Variants in APBB1IP observed in about 807,000 individuals in gnomAD.
APBB1IP encodes the protein amyloid beta A4 precursor protein-binding family B member 1-interacting protein.
A neutral mutation model predicts 64.9 loss-of-function variants in APBB1IP; 27 were observed. The observed-to-expected ratio is 0.42, with a 90% CI of 0.31 to 0.57. APBB1IP has a LOEUF of 0.57. Ranked by LOEUF, APBB1IP falls within the 20% of genes least tolerant of loss-of-function variation. The probability of loss-of-function intolerance (pLI) is 0.20; values close to 1 mark genes in which losing one functional copy is unlikely to be tolerated. For missense variants in APBB1IP, 812 were observed against 845.5 expected, an observed-to-expected ratio of 0.96 and a Z score of 0.49; for synonymous variants, 392 against 331.0, an observed-to-expected ratio of 1.18 and a Z score of -2.00.
chr10:26,486,619 G>C (rs573761432), intron 2 of APBB1IP, among the ~76,000 whole-genome samples: 2 of 152,066 alleles, frequency 1.3e-5, no homozygotes, highest in Non-Finnish European at 2.9e-5. Context: ...CCTCATCCAG[G>C]TCCAAAATTC....
intron 2 of APBB1IP, among the ~76,000 whole-genome samples, chr10:26,461,894 A>G (rs1589193269): frequency 6.6e-6 from 1 of 152,186 alleles, no homozygotes; most frequent in South Asian, 2.1e-4. Context: ...ATATATAGGA[A>G]CACTACTGAT....
intron 3 of APBB1IP, among the ~76,000 whole-genome samples, chr10:26,495,405 G>A (rs1016553820): frequency 2.0e-5 from 3 of 151,354 alleles, no homozygotes; most frequent in African/African-American, 7.3e-5. Context: ...GCCAGTGGGG[G>A]AAGTGTTCTG....
At position 26,525,682 on chromosome 10, in the gene APBB1IP, C is replaced by T. The variant is rs144608087; in HGVS notation, c.814-7757C>T. Among the ~76,000 whole-genome samples the T allele has an allele frequency of 6.0e-3, 919 of 152,012 alleles. 8 individuals carry two copies. The highest frequency in any genetic ancestry group is 0.021 in the African/African-American group (871 of 41,448). ...CCATTGCTAGGTTTATGGCTGAGGT[C>T]GCTATTGCAAAAGACAGATTACCAA... On this transcript the variant is annotated intron_variant, in intron 8 of 14. Transcript: ENST00000376236.
intron 2 of APBB1IP, among the ~76,000 whole-genome samples, chr10:26,459,587 T>C (rs1260388810): frequency 1.3e-5 from 2 of 152,204 alleles, no homozygotes; most frequent in African/African-American, 2.4e-5. Flanking sequence ...CTCCACATCC[T>C]CTCCAGCACC....
chr10:26,558,642 G>A (rs1172103983), intron 11 of APBB1IP, among the ~76,000 whole-genome samples: 1 of 150,268 alleles, frequency 6.7e-6, no homozygotes, highest in African/African-American at 2.4e-5. Context: ...AGCCAAGCAT[G>A]GATGCATGTT....
At chr10:26,483,502 C>T (rs11015130) in intron 2 of APBB1IP, among the ~76,000 whole-genome samples, 13,580 of 152,132 alleles carry the variant, frequency 0.089, 837 homozygotes, top group East Asian at 0.19. Context: ...TATTATCAGG[C>T]AGGTAGAGAG....
At chr10:26,448,053 T>C (rs987636729) in intron 2 of APBB1IP, among the ~76,000 whole-genome samples, 4 of 152,194 alleles carry the variant, frequency 2.6e-5, no homozygotes, top group African/African-American at 9.6e-5. Flanking sequence ...TATTAAAATG[T>C]GAATTGTTTG....
At chr10:26,534,641 C>T (rs1338375337) in intron 9 of APBB1IP, among the ~76,000 whole-genome samples, 1 of 152,144 alleles carries the variant, frequency 6.6e-6, no homozygotes, top group Non-Finnish European at 1.5e-5. Context: ...CTGCTTTTCA[C>T]AGCCCGGTGC....
chr10:26,472,445 G>A (rs1011955566), intron 2 of APBB1IP, among the ~76,000 whole-genome samples: 3 of 152,158 alleles, frequency 2.0e-5, no homozygotes, highest in African/African-American at 7.2e-5. Context: ...TTCTGAAGGA[G>A]TTCAGTTTGG....
chr10:26,536,026 T>C, intron 9 of APBB1IP, 48 bp from the exon 10 acceptor site: 5 of 1,525,996 alleles, frequency 3.3e-6, no homozygotes, highest in Non-Finnish European at 4.4e-6. Flanking sequence ...TAAAAATGCG[T>C]GCTTTATCTT....
At chr10:26,459,246 A>G (rs1044421428) in intron 2 of APBB1IP, among the ~76,000 whole-genome samples, 1 of 151,868 alleles carries the variant, frequency 6.6e-6, no homozygotes, top group East Asian at 1.9e-4. Flanking sequence ...AATTTCATCC[A>G]TGTCCCTACA....
chr10:26,561,162 G>A (rs1345206382), intron 13 of APBB1IP, among the ~76,000 whole-genome samples: 1 of 129,894 alleles, frequency 7.7e-6, no homozygotes, highest in African/African-American at 2.9e-5. Flanking sequence ...TCCGCCTCCT[G>A]GGTTCACACC....
intron 2 of APBB1IP, among the ~76,000 whole-genome samples, chr10:26,486,396 G>A (rs549515638): frequency 1.3e-5 from 2 of 152,218 alleles, no homozygotes; most frequent in South Asian, 2.1e-4. Context: ...TTCCTCGACC[G>A]ACTAGATGGA....
chr10:26,475,704 A>G (rs1835767681), intron 2 of APBB1IP, among the ~76,000 whole-genome samples: 1 of 152,282 alleles, frequency 6.6e-6, no homozygotes, highest in Non-Finnish European at 1.5e-5. Context: ...CTACCCCCAC[A>G]TGGTTTCTAT....
intron 8 of APBB1IP, among the ~76,000 whole-genome samples, chr10:26,522,402 T>A (rs1423754132): frequency 6.6e-6 from 1 of 152,234 alleles, no homozygotes; most frequent in Non-Finnish European, 1.5e-5. Context: ...TAATTGACAT[T>A]AATCTTCACT....
At chr10:26,498,827 A>C (rs1255689265) in intron 4 of APBB1IP, among the ~76,000 whole-genome samples, 2 of 152,242 alleles carry the variant, frequency 1.3e-5, no homozygotes, top group Non-Finnish European at 1.5e-5. Context: ...ATCAAGATAT[A>C]CACATGTGGC....
rs1364467612 is a variant in APBB1IP at position 26,511,769 on chromosome 10, A to G, written c.554A>G (p.Asn185Ser). 2 of 1,614,082 alleles carry G rather than the reference A, an allele frequency of 1.2e-6. No individual in the cohort carries two copies. The highest frequency in any genetic ancestry group is 1.1e-5 in the South Asian group (1 of 91,088). ...VKKLVVKVHMNDNSTKSLMVD... is the reference protein window; with the variant it reads ...VKKLVVKVHMSDNSTKSLMVD... The stretch of plus-strand genomic sequence containing the variant: ...CAGCTCGTCGTCAAGGTGCACATGA[A>G]TGATAACAGCACAAAGTCACTGATG... The change falls in exon 7 of 15, where the codon AAT becomes AGT. Residue 185 changes from asparagine to serine, a missense_variant. Physicochemically the swap from Asn to Ser is conservative, Grantham distance 46 (BLOSUM62 1). This residue lies in a region of APBB1IP where 394 missense variants were observed against 413.1 expected (regional missense o/e 0.95). Coordinates refer to ENST00000376236, the MANE Select transcript of APBB1IP (RefSeq NM_019043.4).
chr10:26,469,410 C>T (rs1332682661), intron 2 of APBB1IP, among the ~76,000 whole-genome samples: 1 of 151,764 alleles, frequency 6.6e-6, no homozygotes, highest in Non-Finnish European at 1.5e-5. Context: ...CAGGCGTGCA[C>T]CACCACACTC....
Position 26,567,325 on chromosome 10 carries a change from T to G in APBB1IP, c.1838T>G (p.Val613Gly). 4 of 1,299,918 alleles carry G rather than the reference T, an allele frequency of 3.1e-6. No individual in the cohort carries two copies. Among genetic ancestry groups the G allele is most frequent in the Non-Finnish European group, 4.0e-6 (4 of 1,006,656 alleles). 80.5% of individuals were successfully genotyped at this position (1,299,918 alleles called of 1,614,324 possible). ...PPPPAPAPAPVPDSARPPPAV... is the reference protein window; with the variant it reads ...PPPPAPAPAPGPDSARPPPAV... ...CCGCCCGCGCCCGCGCCCGCCCCCGTCCCCGACTCCGCCAGGCCGCCCCCC... is the reference window on the plus strand; with the variant it reads ...CCGCCCGCGCCCGCGCCCGCCCCCGGCCCCGACTCCGCCAGGCCGCCCCCC... The change falls in exon 15 of 15, where the codon GTC (valine) becomes GGC (glycine). Residue 613 changes from valine (V) to glycine (G), a missense_variant. Val to Gly is a moderately radical substitution (Grantham distance 109). Around this residue, in one of 3 missense-constraint regions of APBB1IP, gnomAD observed 381 missense variants for 352.1 expected, o/e 1.08. Transcript: ENST00000376236.
Sources: allele counts gnomAD v4.1 joint callset (sites outside exome capture counted in the v4.1 genomes callset), GRCh38; gene constraint gnomAD v4.1.1; regional missense constraint gnomAD v4.1.1; transcripts MANE v1.5; gene names NCBI Gene and HGNC (gene_info 2026-07-23, HGNC 2026-07-21).